The following ERC2 variants were observed in gnomAD, a reference collection of about 807,000 sequenced individuals.
ERC2 encodes the protein ELKS/RAB6-interacting/CAST family member 2.
Under a neutral mutation model 114.8 loss-of-function variants are expected in ERC2, and 42 were observed. The observed-to-expected ratio is 0.37, with a 90% CI of 0.29 to 0.47. ERC2 has a LOEUF of 0.47. Among genes scored for constraint, ERC2 ranks in the 20% least tolerant of loss-of-function variants. The pLI is 0.99. For missense variants in ERC2, 939 were observed against 1,150.7 expected, an observed-to-expected ratio of 0.82 and a Z score of 2.66; for synonymous variants, 454 against 425.5, an observed-to-expected ratio of 1.07 and a Z score of -0.82.
rs1217032326 is a variant in ERC2, at chr3:56,276,695, A to G, written c.1074+19324T>C. On this transcript the variant is annotated intron_variant, in intron 3 of 17. Transcript: ENST00000288221. The stretch of plus-strand genomic sequence containing the variant: ...AAAATTATATAGCTTCTTTGGGAGG[A>G]GGAGGATTTGAGAAAGAACAACGCA... Among the ~76,000 whole-genome samples the G allele has an allele frequency of 2.6e-5, 4 of 152,244 alleles. No individual in the cohort carries two copies. The East Asian group carries it at 5.8e-4, about 22-fold the overall frequency.
rs562486526 is a variant in ERC2 at position 56,036,778 on chromosome 3, C to T, written c.1642-17747G>A. 4.6e-5 allele frequency among the ~76,000 whole-genome samples: 7 copies of T among 152,220 alleles called. No homozygotes were observed. In the South Asian group the frequency reaches 1.2e-3, roughly 27 times the overall value. On this transcript the variant is annotated intron_variant, in intron 7 of 17. Transcript: ENST00000288221. ...TGTACAACCTGCAAATCAGGAGATT[C>T]CCTCATGAGCCCATGCCACCAGAGC...
At chr3:55,925,938 A>G (rs1346452107) in intron 13 of ERC2, among the ~76,000 whole-genome samples, 1 of 152,202 alleles carries the variant, frequency 6.6e-6, no homozygotes, top group African/African-American at 2.4e-5. Context: ...CATGCCTTAG[A>G]TGAACACCTT....
rs147349736 is a variant in ERC2, at chr3:56,326,053, T to C, written c.658-29618A>G. On this transcript the variant is annotated intron_variant, in intron 2 of 17. Coordinates refer to ENST00000288221, the MANE Select transcript of ERC2 (RefSeq NM_015576.3). Reference sequence around the variant, plus strand: ...GTGGCCCTACTCCTCACTCTCCTTCTTCTAGCGGCTAAATGATCAAGGGAT... The same window carrying C: ...GTGGCCCTACTCCTCACTCTCCTTCCTCTAGCGGCTAAATGATCAAGGGAT... Among the ~76,000 whole-genome samples, 590 of 152,324 alleles carry C rather than the reference T, an allele frequency of 3.9e-3. 11 individuals carry two copies. The highest frequency in any genetic ancestry group is 0.03 in the Admixed American group (459 of 15,300).
intron 12 of ERC2, among the ~76,000 whole-genome samples, chr3:55,951,069 C>T (rs2067468410): frequency 1.3e-5 from 2 of 152,066 alleles, no homozygotes. Context: ...GTGTAATTTC[C>T]AAGACAGGAA....
At chr3:55,688,345 T>G (rs1353251235) in intron 16 of ERC2, among the ~76,000 whole-genome samples, 2 of 152,110 alleles carry the variant, frequency 1.3e-5, no homozygotes, top group African/African-American at 4.8e-5. Flanking sequence ...TTTGTGCAGA[T>G]ATGGAAAGGA....
At chr3:56,356,376 C>G (rs945865449) in intron 2 of ERC2, among the ~76,000 whole-genome samples, 1 of 152,212 alleles carries the variant, frequency 6.6e-6, no homozygotes, top group African/African-American at 2.4e-5. Context: ...TGAAGTTCAT[C>G]TGAGCATTGG....
intron 2 of ERC2, among the ~76,000 whole-genome samples, chr3:56,395,761 AG>A (rs1276504439): frequency 2.6e-5 from 4 of 152,224 alleles, no homozygotes; most frequent in Non-Finnish European, 4.4e-5. Context: ...ACCCAGTCTC[AG>A]GTATTTCTTT....
intron 13 of ERC2, among the ~76,000 whole-genome samples, chr3:55,948,522 A>T (rs1459665040): frequency 6.6e-6 from 1 of 152,324 alleles, no homozygotes; most frequent in South Asian, 2.1e-4. Flanking sequence ...CTCTCTATTA[A>T]CCTTAACCAG....
rs946771784 is a variant in ERC2 at position 55,799,590 on chromosome 3, G to T, written c.2565-64672C>A. 4.0e-5 allele frequency among the ~76,000 whole-genome samples: 6 copies of T among 151,662 alleles called. No individual in the cohort carries two copies. In the South Asian group the frequency reaches 1.3e-3, roughly 32 times the overall value. On this transcript the variant is annotated intron_variant, in intron 14 of 17. Transcript: ENST00000288221. ...CAGAAGTTCTGGTTTAGTAACAGCTGAGTGACAACACACAAAGAGGTTAGG... is the reference window on the plus strand; with the variant it reads ...CAGAAGTTCTGGTTTAGTAACAGCTTAGTGACAACACACAAAGAGGTTAGG...
At chr3:56,033,206 A>G (rs1349283560) in intron 7 of ERC2, among the ~76,000 whole-genome samples, 3 of 152,182 alleles carry the variant, frequency 2.0e-5, no homozygotes, top group Non-Finnish European at 4.4e-5. Context: ...AGCCTGGACA[A>G]CAGAGTGAGA....
intron 2 of ERC2, among the ~76,000 whole-genome samples, chr3:56,407,880 C>T (rs187174410): frequency 1.3e-3 from 191 of 152,252 alleles, no homozygotes; most frequent in Non-Finnish European, 2.4e-3. Flanking sequence ...ACACTATTCC[C>T]CCACCACCAG....
At chr3:55,940,939 G>A (rs2066746371) in intron 13 of ERC2, among the ~76,000 whole-genome samples, 2 of 152,158 alleles carry the variant, frequency 1.3e-5, no homozygotes, top group South Asian at 2.1e-4. Context: ...GGCATGCAAA[G>A]AAACAGTTCC....
At chr3:55,990,282 A>G (rs1380424597) in intron 11 of ERC2, among the ~76,000 whole-genome samples, 3 of 152,234 alleles carry the variant, frequency 2.0e-5, no homozygotes, top group Admixed American at 6.5e-5. Flanking sequence ...ATTGGTCACA[A>G]TGAATAAAAA....
At chr3:55,728,848 T>A (rs2065078167) in intron 15 of ERC2, among the ~76,000 whole-genome samples, 1 of 152,168 alleles carries the variant, frequency 6.6e-6, no homozygotes, top group African/African-American at 2.4e-5. Flanking sequence ...ACGGAGGGTA[T>A]TTTGTCATCA....
At chr3:55,678,822 G>T (rs1452312837) in intron 17 of ERC2, among the ~76,000 whole-genome samples, 1 of 152,142 alleles carries the variant, frequency 6.6e-6, no homozygotes, top group East Asian at 1.9e-4. Flanking sequence ...GACACCCAAG[G>T]TAGAAATCTG....
At chr3:55,657,439 T>C (rs2060921964) in intron 17 of ERC2, 1 of 152,184 alleles carries the variant, frequency 6.6e-6, no homozygotes, top group East Asian at 1.9e-4. Context: ...CTATTATTAC[T>C]ATATTAGACA....
Position 55,897,862 on chromosome 3 carries a change from G to A in ERC2, c.2404-9313C>T, listed in dbSNP as rs550323839. Among the ~76,000 whole-genome samples, 13 of 152,220 alleles carry A rather than the reference G, an allele frequency of 8.5e-5. No homozygotes were observed. The South Asian group carries it at 2.7e-3, about 32-fold the overall frequency. ...AAATCCCCAGACTGCTTTCAGCCTGGACCTGACCATCCCTAAGACTGTGTT... is the reference window on the plus strand; with the variant it reads ...AAATCCCCAGACTGCTTTCAGCCTGAACCTGACCATCCCTAAGACTGTGTT... On this transcript the variant is annotated intron_variant, in intron 13 of 17. Coordinates refer to ENST00000288221, the MANE Select transcript of ERC2 (RefSeq NM_015576.3).
chr3:56,264,061 A>C (rs1372442703), intron 3 of ERC2, among the ~76,000 whole-genome samples: 1 of 152,202 alleles, frequency 6.6e-6, no homozygotes, highest in African/African-American at 2.4e-5. Context: ...CCATATGATC[A>C]TCTCAATATA....
At chr3:55,883,498 C>A (rs2149309379) in intron 14 of ERC2, among the ~76,000 whole-genome samples, 2 of 151,774 alleles carry the variant, frequency 1.3e-5, no homozygotes, top group South Asian at 4.2e-4. Flanking sequence ...GTGGTGGTGA[C>A]ACAAATCAGC....
Sources: gnomAD v4.1 joint callset for allele counts (sites outside exome capture counted in the v4.1 genomes callset) on GRCh38, gnomAD v4.1.1 for gene constraint, MANE v1.5 for transcripts, NCBI Gene and HGNC (gene_info 2026-07-23, HGNC 2026-07-21) for gene names.